ADAMTS3: variants seen among roughly 807,000 people sequenced by gnomAD.
ADAMTS3 encodes A disintegrin and metalloproteinase with thrombospondin motifs 3.
Under a neutral mutation model 129.0 loss-of-function variants are expected in ADAMTS3, and 73 were observed. The ratio of observed to expected loss-of-function variants is 0.57; its 90% CI spans 0.47 to 0.69. The LOEUF (loss-of-function observed/expected upper bound fraction) is 0.69. Among genes scored for constraint, ADAMTS3 ranks in the 30% least tolerant of loss-of-function variants. The probability of loss-of-function intolerance (pLI) is 0.00; values close to 1 mark genes in which losing one functional copy is unlikely to be tolerated. For synonymous variants in ADAMTS3, 477 were observed against 510.8 expected (o/e 0.93, Z 0.89); for missense variants, 1,457 against 1,514.5 (o/e 0.96, Z 0.63).
chr4:72,499,396 A>G (rs1286343014), intron 3 of ADAMTS3, among the ~76,000 whole-genome samples: 1 of 152,164 alleles, frequency 6.6e-6, no homozygotes. Flanking sequence ...TTTCAGCAGG[A>G]TAATCTCCTC....
chr4:72,467,903 T>A (rs1410244157), intron 3 of ADAMTS3, among the ~76,000 whole-genome samples: 2 of 152,056 alleles, frequency 1.3e-5, no homozygotes, highest in Non-Finnish European at 2.9e-5. Flanking sequence ...AGCAATGCTG[T>A]AATCCAATTA....
intron 3 of ADAMTS3, among the ~76,000 whole-genome samples, chr4:72,506,175 T>G (rs1038933929): frequency 6.6e-6 from 1 of 152,128 alleles, no homozygotes; most frequent in African/African-American, 2.4e-5. Context: ...CACTACGATC[T>G]ATGCACAGGA....
chr4:72,530,274 T>A (rs1720970322), intron 3 of ADAMTS3, among the ~76,000 whole-genome samples: 1 of 82,574 alleles, frequency 1.2e-5, no homozygotes, highest in Non-Finnish European at 2.1e-5. Context: ...ATATAATATA[T>A]AATATATAAT....
intron 3 of ADAMTS3, among the ~76,000 whole-genome samples, chr4:72,478,044 T>C (rs1719294298): frequency 2.6e-5 from 4 of 152,180 alleles, no homozygotes; most frequent in Admixed American, 2.0e-4. Flanking sequence ...ATTGTGGCAA[T>C]AATCAATAGC....
At chr4:72,344,261 C>A (rs998388152) in intron 4 of ADAMTS3, among the ~76,000 whole-genome samples, 4 of 151,986 alleles carry the variant, frequency 2.6e-5, no homozygotes, top group Non-Finnish European at 4.4e-5. Context: ...AGGAGAATGA[C>A]ATGTTCATAT....
chr4:72,403,006 T>A (rs1288869122), intron 4 of ADAMTS3, among the ~76,000 whole-genome samples: 1 of 152,128 alleles, frequency 6.6e-6, no homozygotes, highest in Non-Finnish European at 1.5e-5. Context: ...ACTGAGCACT[T>A]ATGGTTTCTC....
chr4:72,316,596 G>A (rs1305199615), intron 10 of ADAMTS3, among the ~76,000 whole-genome samples: 1 of 152,026 alleles, frequency 6.6e-6, no homozygotes, highest in East Asian at 1.9e-4. Context: ...GCTGAGGCAG[G>A]AGAATCGCTG....
chr4:72,303,116 G>T (rs1295961521), intron 17 of ADAMTS3, among the ~76,000 whole-genome samples: 2 of 152,116 alleles, frequency 1.3e-5, no homozygotes, highest in Non-Finnish European at 2.9e-5. Flanking sequence ...TCACGCAGCT[G>T]CCTCCCTTGG....
At chr4:72,529,762 TAA>T (rs531158693) in intron 3 of ADAMTS3, among the ~76,000 whole-genome samples, 1,082 of 107,770 alleles carry the variant, frequency 0.01, 25 homozygotes, top group African/African-American at 0.038. Context: ...TATATAATAT[TAA>T]TATATGTTAA....
At chr4:72,525,236 C>A (rs982963990) in intron 3 of ADAMTS3, among the ~76,000 whole-genome samples, 2 of 152,170 alleles carry the variant, frequency 1.3e-5, no homozygotes, top group African/African-American at 4.8e-5. Context: ...AAAGACCCCA[C>A]TTCTATTTAG....
intron 3 of ADAMTS3, among the ~76,000 whole-genome samples, chr4:72,529,940 A>ATATATAATATATAATATATTATC (rs1720932861): frequency 7.4e-5 from 4 of 54,200 alleles, no homozygotes; most frequent in African/African-American, 3.0e-4. Flanking sequence ...AATATATTAT[A>ATATATAATATATAATATATTATC]TTTATATATA....
intron 11 of ADAMTS3, among the ~76,000 whole-genome samples, chr4:72,314,603 C>T (rs1414482811): frequency 6.6e-6 from 1 of 152,018 alleles, no homozygotes; most frequent in Non-Finnish European, 1.5e-5. Flanking sequence ...CAATATAACA[C>T]CAATATATTT....
chr4:72,423,340 C>A (rs953425485), intron 3 of ADAMTS3, among the ~76,000 whole-genome samples: 1 of 151,966 alleles, frequency 6.6e-6, no homozygotes, highest in African/African-American at 2.4e-5. Flanking sequence ...GTGTGTAAGA[C>A]GGAGAATACA....
At chr4:72,475,683 T>A (rs1200020996) in intron 3 of ADAMTS3, among the ~76,000 whole-genome samples, 2 of 151,710 alleles carry the variant, frequency 1.3e-5, no homozygotes, top group Non-Finnish European at 2.9e-5. Flanking sequence ...AATATTCTAC[T>A]GAAGAATAGG....
intron 3 of ADAMTS3, among the ~76,000 whole-genome samples, chr4:72,471,419 G>T (rs1719068924): frequency 6.6e-6 from 1 of 151,910 alleles, no homozygotes; most frequent in African/African-American, 2.4e-5. Flanking sequence ...AAAAATACTT[G>T]ATATGCTTTT....
At position 72,405,811 on chromosome 4, in the gene ADAMTS3, T is replaced by C. The variant is rs143909112; in HGVS notation, c.661+9004A>G. Among the ~76,000 whole-genome samples, 90 of 152,256 alleles carry C rather than the reference T, an allele frequency of 5.9e-4. 1 individual carries two copies. The East Asian group carries it at 0.015, about 26-fold the overall frequency. Reference sequence around the variant, plus strand: ...AGATGGGGAGAGATAGGATTAAGCATACAGGATTAAAATACAGGATTTTTA... The same window carrying C: ...AGATGGGGAGAGATAGGATTAAGCACACAGGATTAAAATACAGGATTTTTA... On this transcript the variant is annotated intron_variant, in intron 4 of 21. Transcript: ENST00000286657.
Position 72,312,286 on chromosome 4 carries a change from C to T in ADAMTS3, c.1921+5G>A, listed in dbSNP as rs1719260620. 1 of 1,613,294 alleles carries T rather than the reference C, an allele frequency of 6.2e-7. No individual in the cohort carries two copies. Among genetic ancestry groups the T allele is most frequent in the African/African-American group, 1.3e-5 (1 of 74,884 alleles). On this transcript the variant is annotated splice_donor_5th_base_variant and intron_variant, in intron 13 of 21. Transcript: ENST00000286657. ...CAGCAGGAAGGAGAGCACGAGGCTA[C>T]TCACGGTCAGGATGTTCATATGGCA...
intron 3 of ADAMTS3, among the ~76,000 whole-genome samples, chr4:72,455,891 T>C (rs1578695146): frequency 8.4e-6 from 1 of 119,578 alleles, no homozygotes; most frequent in South Asian, 2.4e-4. Flanking sequence ...ATATATATTT[T>C]ATATATAGTA....
At chr4:72,496,018 T>G (rs1324098348) in intron 3 of ADAMTS3, among the ~76,000 whole-genome samples, 1 of 152,210 alleles carries the variant, frequency 6.6e-6, no homozygotes, top group Admixed American at 6.5e-5. Context: ...CAAAAATGAC[T>G]ATAATGGGAG....
Sources: allele counts gnomAD v4.1 joint callset (sites outside exome capture counted in the v4.1 genomes callset), GRCh38; gene constraint gnomAD v4.1.1; transcripts MANE v1.5; gene names NCBI Gene and HGNC (gene_info 2026-07-23, HGNC 2026-07-21).